MDGA2: variants seen among roughly 807,000 people sequenced by gnomAD.
MDGA2 encodes MAM domain-containing glycosylphosphatidylinositol anchor protein 2.
MDGA2 carries 40 observed loss-of-function variants against 117.8 expected under a neutral mutation model. The observed-to-expected ratio is 0.34, with a 90% CI of 0.26 to 0.44. The LOEUF is 0.44. Ranked by LOEUF, MDGA2 falls within the 20% of genes least tolerant of loss-of-function variation. MDGA2 has a pLI of 1.00. For missense variants in MDGA2, 1,123 were observed against 1,250.6 expected, an observed-to-expected ratio of 0.90 and a Z score of 1.54; for synonymous variants, 452 against 439.0, an observed-to-expected ratio of 1.03 and a Z score of -0.37.
At chr14:47,263,431 G>A (rs923370785) in intron 2 of MDGA2, among the ~76,000 whole-genome samples, 1 of 152,030 alleles carries the variant, frequency 6.6e-6, no homozygotes, top group African/African-American at 2.4e-5. Context: ...TAGAAAATAT[G>A]TGATTTATAT....
chr14:47,373,631 T>C (rs1236721117), intron 1 of MDGA2, among the ~76,000 whole-genome samples: 1 of 151,896 alleles, frequency 6.6e-6, no homozygotes, highest in South Asian at 2.1e-4. Flanking sequence ...AAGTCAGGGG[T>C]TGGCTAGGGC....
At chr14:47,365,208 G>A (rs1042864504) in intron 1 of MDGA2, among the ~76,000 whole-genome samples, 2 of 152,176 alleles carry the variant, frequency 1.3e-5, no homozygotes, top group Admixed American at 6.5e-5. Context: ...GATGGGGTTC[G>A]TTTTTCTTCC....
intron 3 of MDGA2, among the ~76,000 whole-genome samples, chr14:47,194,630 C>A (rs1337213182): frequency 6.6e-6 from 1 of 151,968 alleles, no homozygotes; most frequent in East Asian, 1.9e-4. Context: ...AATAATAAAC[C>A]AGGAACCAAT....
intron 3 of MDGA2, among the ~76,000 whole-genome samples, chr14:47,161,666 A>C (rs1883638599): frequency 6.6e-6 from 1 of 151,572 alleles, no homozygotes; most frequent in South Asian, 2.1e-4. Context: ...AATAAAGCAA[A>C]AATTTTAGAT....
intron 1 of MDGA2, among the ~76,000 whole-genome samples, chr14:47,343,791 C>A (rs1011182961): frequency 6.6e-6 from 1 of 151,758 alleles, no homozygotes; most frequent in Non-Finnish European, 1.5e-5. Flanking sequence ...TTCAAACATT[C>A]ACAATTATAT....
At position 47,239,490 on chromosome 14, in the gene MDGA2, C is replaced by T. The variant is rs140153304; in HGVS notation, c.421-21295G>A. ...CAAAAGGCAAGTAATATGCTTTGAT[C>T]AATTTGATGTGAAACATAAAAAGCT... On this transcript the variant is annotated intron_variant, in intron 2 of 16. Coordinates refer to ENST00000399232, the MANE Select transcript of MDGA2 (RefSeq NM_001113498.3). Among the ~76,000 whole-genome samples the T allele has an allele frequency of 3.5e-3, 527 of 151,858 alleles. 5 individuals are homozygous for T. The highest frequency in any genetic ancestry group is 0.012 in the African/African-American group (511 of 41,500).
intron 2 of MDGA2, among the ~76,000 whole-genome samples, chr14:47,224,283 T>TGATATAGATATA (rs3039434): frequency 0.094 from 12,595 of 134,030 alleles, 716 homozygotes; most frequent in African/African-American, 0.14. Flanking sequence ...CAATAGAGTC[T>TGATATAGATATA]GATATAGATA....
intron 1 of MDGA2, among the ~76,000 whole-genome samples, chr14:47,671,406 C>T (rs769624731): frequency 5.3e-5 from 8 of 152,138 alleles, no homozygotes; most frequent in Non-Finnish European, 1.0e-4. Flanking sequence ...ATCTGAATTT[C>T]ATGCTCAGAG....
In MDGA2 at chr14:47,317,513, T is replaced by C. The variant is rs181415201; in HGVS notation, c.281-15963A>G. On this transcript the variant is annotated intron_variant, in intron 1 of 16. Transcript: ENST00000399232. Reference sequence around the variant, plus strand: ...TGTGCTGTGAAGCTAAGGGCATTTATACCTTTTTTTTGGAAGAGTTTACCT... The same window carrying C: ...TGTGCTGTGAAGCTAAGGGCATTTACACCTTTTTTTTGGAAGAGTTTACCT... 5.0e-4 allele frequency among the ~76,000 whole-genome samples: 76 copies of C among 152,258 alleles called. No homozygotes were observed. The East Asian group carries it at 0.011, about 23-fold the overall frequency.
At chr14:47,040,977 G>A (rs1889044237) in intron 7 of MDGA2, among the ~76,000 whole-genome samples, 1 of 151,846 alleles carries the variant, frequency 6.6e-6, no homozygotes, top group Non-Finnish European at 1.5e-5. Flanking sequence ...AGGAACATAG[G>A]AAAATAAAAA....
chr14:47,055,463 T>A (rs766717180), intron 7 of MDGA2, among the ~76,000 whole-genome samples: 2 of 152,094 alleles, frequency 1.3e-5, no homozygotes, highest in Non-Finnish European at 2.9e-5. Context: ...CTGACTAGAT[T>A]CAATAACATT....
rs146694069 is a variant in MDGA2, at chr14:47,508,397, T to A, written c.280+166120A>T. Among the ~76,000 whole-genome samples, 874 of 125,522 alleles carry A rather than the reference T, an allele frequency of 7.0e-3. 15 individuals are homozygous for A. Among genetic ancestry groups the A allele is most frequent in the African/African-American group, 0.025 (839 of 34,150 alleles). 82.3% of individuals were successfully genotyped at this position (125,522 alleles called of 152,430 possible). ...TCTCTCTCTCTGTATATATATATAT[T>A]TGCTACCAGTAGTTTTTCTGAATTT... On this transcript the variant is annotated intron_variant, in intron 1 of 16. Coordinates refer to ENST00000399232, the MANE Select transcript of MDGA2 (RefSeq NM_001113498.3).
At chr14:47,490,158 A>G (rs1010614557) in intron 1 of MDGA2, among the ~76,000 whole-genome samples, 4 of 152,076 alleles carry the variant, frequency 2.6e-5, no homozygotes, top group Non-Finnish European at 2.9e-5. Flanking sequence ...TTTTGCTAAT[A>G]AACTGTGTAA....
intron 4 of MDGA2, among the ~76,000 whole-genome samples, chr14:47,139,351 C>A (rs72680208): frequency 1.1e-3 from 162 of 152,120 alleles, no homozygotes; most frequent in Non-Finnish European, 1.9e-3. Context: ...CTAATGTCTC[C>A]ACCTTGAGTG....
intron 1 of MDGA2, among the ~76,000 whole-genome samples, chr14:47,590,039 G>C (rs1896406359): frequency 6.6e-6 from 1 of 151,638 alleles, no homozygotes; most frequent in South Asian, 2.1e-4. Context: ...TAATGAACTA[G>C]TTTATTAGTT....
intron 8 of MDGA2, chr14:46,960,293 T>G (rs1325044109): frequency 6.6e-6 from 1 of 152,180 alleles, no homozygotes; most frequent in African/African-American, 2.4e-5. Flanking sequence ...GTCCAGATAT[T>G]TGCTAGCTTA....
intron 15 of MDGA2, 70 bp downstream of exon 15, chr14:46,854,954 T>C (rs1881209180): frequency 1.6e-6 from 2 of 1,288,396 alleles, no homozygotes; most frequent in Non-Finnish European, 2.1e-6. Context: ...TATTTTAATA[T>C]TTGCTCAAGA....
At chr14:47,627,348 C>T (rs1184490) in intron 1 of MDGA2, among the ~76,000 whole-genome samples, 39,844 of 142,150 alleles carry the variant, frequency 0.28, 6,876 homozygotes, top group African/African-American at 0.49. Flanking sequence ...AATGCACCAA[C>T]TGGCACTCTG....
intron 1 of MDGA2, among the ~76,000 whole-genome samples, chr14:47,339,527 T>C (rs1890558050): frequency 1.3e-5 from 2 of 151,984 alleles, no homozygotes; most frequent in South Asian, 4.1e-4. Context: ...ATGTAATGAG[T>C]GAGTTCTTGG....
Sources: gnomAD v4.1 joint callset for allele counts (sites outside exome capture counted in the v4.1 genomes callset) on GRCh38, gnomAD v4.1.1 for gene constraint, MANE v1.5 for transcripts, NCBI Gene and HGNC (gene_info 2026-07-23, HGNC 2026-07-21) for gene names.